Variants in MBD5 observed in about 807,000 individuals in gnomAD.
MBD5 encodes the protein methyl-CpG-binding domain protein 5.
MBD5 carries 13 observed loss-of-function variants against 117.3 expected under a neutral mutation model. The observed-to-expected ratio is 0.11, with a 90% CI of 0.07 to 0.18. The LOEUF (loss-of-function observed/expected upper bound fraction) is 0.18, where lower values mean the gene tolerates loss of function less well. Among genes scored for constraint, MBD5 ranks in the 10% least tolerant of loss-of-function variants. MBD5 has a pLI of 1.00. For synonymous variants in MBD5, 727 were observed against 766.4 expected (o/e 0.95, Z 0.85); for missense variants, 1,879 against 2,093.8 (o/e 0.90, Z 2.00).
intron 4 of MBD5, among the ~76,000 whole-genome samples, chr2:148,406,616 A>G (rs1705085348): frequency 6.7e-6 from 1 of 148,976 alleles, no homozygotes; most frequent in Non-Finnish European, 1.5e-5. Flanking sequence ...ATGATGTCTA[A>G]TAAATCCATA....
At chr2:148,408,691 G>A (rs1189737788) in intron 4 of MBD5, among the ~76,000 whole-genome samples, 1 of 152,102 alleles carries the variant, frequency 6.6e-6, no homozygotes, top group Non-Finnish European at 1.5e-5. Context: ...CCCTATTTAT[G>A]TATTAAAATT....
At chr2:148,137,579 G>T (rs911483745) in intron 1 of MBD5, among the ~76,000 whole-genome samples, 4 of 152,174 alleles carry the variant, frequency 2.6e-5, no homozygotes, top group Non-Finnish European at 4.4e-5. Context: ...GGATAACATA[G>T]AGAGACACTG....
At chr2:148,021,894 G>A (rs532437779) in intron 1 of MBD5, 1 of 157,064 alleles carries the variant, frequency 6.4e-6, no homozygotes, top group East Asian at 1.9e-4. Flanking sequence ...ATTTTTATTT[G>A]CTGTTGTCAA....
Position 148,465,715 on chromosome 2 carries a change from A to G in MBD5, c.397+1796A>G, listed in dbSNP as rs181526103. Among the ~76,000 whole-genome samples, 6 of 152,332 alleles carry G rather than the reference A, an allele frequency of 3.9e-5. No individual in the cohort carries two copies. The East Asian group carries it at 1.2e-3, about 29-fold the overall frequency. On this transcript the variant is annotated intron_variant, in intron 7 of 13. Transcript: ENST00000642680. ...AGACCGATGTAGGTAAATTGGGGCC[A>G]AATTACTGATTGCTTTGGATACAAA... is the stretch of plus-strand genomic sequence containing the variant.
At chr2:148,168,865 T>G (rs1698190706) in intron 1 of MBD5, among the ~76,000 whole-genome samples, 3 of 151,758 alleles carry the variant, frequency 2.0e-5, no homozygotes, top group Admixed American at 2.0e-4. Flanking sequence ...GTCATAAACT[T>G]CTAAAGGTGC....
Position 148,316,554 on chromosome 2 carries a change from A to G in MBD5, c.-679-25660A>G, listed in dbSNP as rs545416683. 2.0e-5 allele frequency among the ~76,000 whole-genome samples: 3 copies of G among 152,260 alleles called. No homozygotes were observed. The South Asian group carries it at 6.2e-4, about 32-fold the overall frequency. On this transcript the variant is annotated intron_variant, in intron 3 of 13. Transcript: ENST00000642680. Reference sequence around the variant, plus strand: ...TATAACCCTTGAAATAGACCCATTCAGTGACTCAAGATTTAAGTTAAAGTG... The same window carrying G: ...TATAACCCTTGAAATAGACCCATTCGGTGACTCAAGATTTAAGTTAAAGTG...
At chr2:148,494,943 A>G (rs1681654613) in intron 11 of MBD5, among the ~76,000 whole-genome samples, 1 of 152,184 alleles carries the variant, frequency 6.6e-6, no homozygotes, top group Non-Finnish European at 1.5e-5. Flanking sequence ...AGCCTGGGCG[A>G]CAGAGCGAGG....
intron 7 of MBD5, among the ~76,000 whole-genome samples, chr2:148,464,539 C>A (rs1322638446): frequency 1.3e-5 from 2 of 152,038 alleles, no homozygotes; most frequent in Admixed American, 6.6e-5. Context: ...AGGGCACACT[C>A]TTACATAAAC....
intron 1 of MBD5, among the ~76,000 whole-genome samples, chr2:148,176,229 T>C (rs1362903252): frequency 6.6e-6 from 1 of 151,646 alleles, no homozygotes; most frequent in African/African-American, 2.4e-5. Flanking sequence ...TTTTCTGGTT[T>C]AGTAGTTTTT....
chr2:148,405,423 T>C (rs1705045775), intron 4 of MBD5, among the ~76,000 whole-genome samples: 1 of 152,158 alleles, frequency 6.6e-6, no homozygotes, highest in African/African-American at 2.4e-5. Context: ...CCATGAATTA[T>C]GAAGTGATGA....
intron 4 of MBD5, among the ~76,000 whole-genome samples, chr2:148,427,453 G>A (rs1014925842): frequency 1.3e-5 from 2 of 152,110 alleles, no homozygotes; most frequent in African/African-American, 4.8e-5. Context: ...GGAATACTAT[G>A]CAGCCATAAA....
At chr2:148,034,485 C>T (rs1694132280) in intron 1 of MBD5, among the ~76,000 whole-genome samples, 1 of 152,152 alleles carries the variant, frequency 6.6e-6, no homozygotes, top group South Asian at 2.1e-4. Context: ...GCTGGATAAA[C>T]ATTTTTACTG....
chr2:148,093,242 ACTAT>A (rs1243178063), intron 1 of MBD5, among the ~76,000 whole-genome samples: 1 of 152,112 alleles, frequency 6.6e-6, no homozygotes, highest in African/African-American at 2.4e-5. Flanking sequence ...TATCCTAGAA[ACTAT>A]CTATGCAAAC....
At chr2:148,330,088 TAC>T (rs377202803) in intron 3 of MBD5, among the ~76,000 whole-genome samples, 25 of 40,406 alleles carry the variant, frequency 6.2e-4, no homozygotes, top group African/African-American at 1.4e-3. Flanking sequence ...CCTCCTGCCA[TAC>T]ACACACACAC....
chr2:148,378,821 G>T (rs1303406092), intron 4 of MBD5, among the ~76,000 whole-genome samples: 1 of 151,972 alleles, frequency 6.6e-6, no homozygotes, highest in East Asian at 1.9e-4. Flanking sequence ...ATGTGATTAG[G>T]TAATTACAAA....
At chr2:148,350,110 G>A in intron 4 of MBD5, among the ~76,000 whole-genome samples, 1 of 151,850 alleles carries the variant, frequency 6.6e-6, no homozygotes, top group East Asian at 1.9e-4. Context: ...AATTTTTTGA[G>A]GATAAATGAC....
intron 1 of MBD5, among the ~76,000 whole-genome samples, chr2:148,083,483 C>T (rs906001742): frequency 6.6e-6 from 1 of 151,840 alleles, no homozygotes; most frequent in Admixed American, 6.6e-5. Context: ...TATACATGGT[C>T]CATCCAAAAT....
intron 3 of MBD5, among the ~76,000 whole-genome samples, chr2:148,258,680 C>T (rs1443631999): frequency 6.6e-6 from 1 of 152,206 alleles, no homozygotes; most frequent in Non-Finnish European, 1.5e-5. Flanking sequence ...GGAATTGCTG[C>T]TCCAGAGACA....
chr2:148,255,107 A>G (rs188229741), intron 3 of MBD5, among the ~76,000 whole-genome samples: 1 of 152,298 alleles, frequency 6.6e-6, no homozygotes. Flanking sequence ...CCCAGTCCAC[A>G]ATGCAGTTGG....
Sources: allele counts gnomAD v4.1 joint callset (sites outside exome capture counted in the v4.1 genomes callset), GRCh38; gene constraint gnomAD v4.1.1; transcripts MANE v1.5; gene names NCBI Gene and HGNC (gene_info 2026-07-23, HGNC 2026-07-21).